Variants in GABRB2 observed in about 807,000 individuals in gnomAD.
GABRB2 encodes gamma-aminobutyric acid receptor subunit beta-2.
GABRB2 carries 16 observed loss-of-function variants against 54.7 expected under a neutral mutation model. That is an observed-to-expected ratio of 0.29 (90% confidence interval 0.20 to 0.44). GABRB2 has a LOEUF of 0.44. GABRB2 is among the 20% of genes least tolerant of loss of function. The pLI is 1.00. For missense variants in GABRB2, 355 were observed against 644.0 expected, an observed-to-expected ratio of 0.55 and a Z score of 4.86; for synonymous variants, 244 against 233.8, an observed-to-expected ratio of 1.04 and a Z score of -0.40.
intron 5 of GABRB2, among the ~76,000 whole-genome samples, chr5:161,396,445 G>C (rs1756005238): frequency 1.3e-5 from 2 of 152,358 alleles, no homozygotes; most frequent in South Asian, 2.1e-4. Context: ...TCCCAGAAGA[G>C]AGAGGTTGTT....
intron 3 of GABRB2, among the ~76,000 whole-genome samples, chr5:161,468,637 A>G (rs1456808220): frequency 6.6e-6 from 1 of 151,874 alleles, no homozygotes; most frequent in Non-Finnish European, 1.5e-5. Flanking sequence ...ATGTATTTTC[A>G]TGTCGCCCAA....
intron 4 of GABRB2, among the ~76,000 whole-genome samples, chr5:161,416,009 G>C (rs1756655969): frequency 6.6e-6 from 1 of 152,014 alleles, no homozygotes; most frequent in African/African-American, 2.4e-5. Flanking sequence ...AATGATCTCA[G>C]CTCACTGCAA....
intron 5 of GABRB2, among the ~76,000 whole-genome samples, chr5:161,375,480 G>T (rs1755267457): frequency 2.0e-5 from 3 of 152,126 alleles, no homozygotes; most frequent in Admixed American, 1.3e-4. Flanking sequence ...TTCTCTCATG[G>T]ATGTTGCTCC....
chr5:161,322,450 T>C (rs1354133225), intron 9 of GABRB2, among the ~76,000 whole-genome samples: 1 of 152,148 alleles, frequency 6.6e-6, no homozygotes, highest in Non-Finnish European at 1.5e-5. Context: ...TGCCCAGGCT[T>C]GTCTTGAACT....
intron 3 of GABRB2, among the ~76,000 whole-genome samples, chr5:161,503,610 A>C (rs1451675483): frequency 6.6e-6 from 1 of 151,572 alleles, no homozygotes; most frequent in Non-Finnish European, 1.5e-5. Context: ...CGGGAGACTG[A>C]GAGCAGAAGA....
At chr5:161,466,651 T>C (rs1269229716) in intron 3 of GABRB2, among the ~76,000 whole-genome samples, 1 of 152,080 alleles carries the variant, frequency 6.6e-6, no homozygotes, top group Non-Finnish European at 1.5e-5. Context: ...CACTTGAAGC[T>C]ATAGAACTGC....
At chr5:161,465,009 C>T (rs1023146682) in intron 3 of GABRB2, among the ~76,000 whole-genome samples, 21 of 151,974 alleles carry the variant, frequency 1.4e-4, no homozygotes, top group African/African-American at 5.1e-4. Context: ...AAACTCAGAA[C>T]TGTATACCAA....
chr5:161,533,303 G>A (rs1015207374), intron 3 of GABRB2, among the ~76,000 whole-genome samples: 5 of 152,046 alleles, frequency 3.3e-5, no homozygotes, highest in Admixed American at 6.6e-5. Flanking sequence ...CAAATAAAAT[G>A]CACAAAAGGA....
At chr5:161,341,646 A>G (rs1754159195) in intron 5 of GABRB2, among the ~76,000 whole-genome samples, 1 of 151,696 alleles carries the variant, frequency 6.6e-6, no homozygotes, top group African/African-American at 2.4e-5. Context: ...ATTGAGAAAA[A>G]CATGTATTAT....
chr5:161,529,155 T>C (rs1210186835), intron 3 of GABRB2, among the ~76,000 whole-genome samples: 2 of 152,014 alleles, frequency 1.3e-5, no homozygotes, highest in Non-Finnish European at 2.9e-5. Flanking sequence ...AAAAGTCAAT[T>C]ATAATTTTTC....
At chr5:161,401,712 A>G (rs1466360777) in intron 5 of GABRB2, among the ~76,000 whole-genome samples, 1 of 152,248 alleles carries the variant, frequency 6.6e-6, no homozygotes, top group Non-Finnish European at 1.5e-5. Flanking sequence ...AAATGATACT[A>G]TAAAACATTC....
chr5:161,502,250 C>T (rs990381898), intron 3 of GABRB2, among the ~76,000 whole-genome samples: 1 of 151,790 alleles, frequency 6.6e-6, no homozygotes, highest in African/African-American at 2.4e-5. Flanking sequence ...CTTCACTATA[C>T]TATAGACTTA....
At chr5:161,305,653 T>C (rs1173521201) in intron 9 of GABRB2, among the ~76,000 whole-genome samples, 1 of 152,214 alleles carries the variant, frequency 6.6e-6, no homozygotes, top group Admixed American at 6.5e-5. Context: ...TCAAAAGCAT[T>C]ATGGGTGATG....
chr5:161,468,997 G>T (rs1156837566), intron 3 of GABRB2, among the ~76,000 whole-genome samples: 1 of 151,676 alleles, frequency 6.6e-6, no homozygotes, highest in African/African-American at 2.4e-5. Context: ...TATATTATTA[G>T]ATCTTATCTT....
intron 5 of GABRB2, among the ~76,000 whole-genome samples, chr5:161,381,420 G>T (rs1460617347): frequency 6.6e-6 from 1 of 152,118 alleles, no homozygotes; most frequent in East Asian, 1.9e-4. Context: ...GTCAACTTGT[G>T]CCCTCCTTGG....
At chr5:161,464,702 C>T (rs916021794) in intron 3 of GABRB2, among the ~76,000 whole-genome samples, 3 of 152,150 alleles carry the variant, frequency 2.0e-5, no homozygotes, top group African/African-American at 7.2e-5. Context: ...AAACAGAATA[C>T]TACTCAGCAA....
chr5:161,495,939 T>C (rs895095527), intron 3 of GABRB2, among the ~76,000 whole-genome samples: 2 of 152,166 alleles, frequency 1.3e-5, no homozygotes, highest in South Asian at 2.1e-4. Context: ...TGTAATCAAG[T>C]AGAACTTCAC....
At chr5:161,537,615 T>C (rs1760679723) in intron 3 of GABRB2, among the ~76,000 whole-genome samples, 1 of 152,208 alleles carries the variant, frequency 6.6e-6, no homozygotes, top group Non-Finnish European at 1.5e-5. Context: ...CACATCTTCC[T>C]GAAATTTTGC....
At chr5:161,294,862 TG>T (rs1333635774) in intron 9 of GABRB2, among the ~76,000 whole-genome samples, 1 of 152,196 alleles carries the variant, frequency 6.6e-6, no homozygotes, top group Non-Finnish European at 1.5e-5. Context: ...TAATTATAGA[TG>T]AATTAATAAC....
Sources: gnomAD v4.1 joint callset for allele counts (sites outside exome capture counted in the v4.1 genomes callset) on GRCh38, gnomAD v4.1.1 for gene constraint, MANE v1.5 for transcripts, NCBI Gene and HGNC (gene_info 2026-07-23, HGNC 2026-07-21) for gene names.